Variants in PTK7 observed in about 807,000 individuals in gnomAD.
PTK7 encodes inactive tyrosine-protein kinase 7.
A neutral mutation model predicts 116.6 loss-of-function variants in PTK7; 39 were observed. The ratio of observed to expected loss-of-function variants is 0.33; its 90% CI spans 0.26 to 0.44. The LOEUF (loss-of-function observed/expected upper bound fraction) is 0.44, where lower values mean the gene tolerates loss of function less well. PTK7 is among the 20% of genes least tolerant of loss of function. The pLI is 1.00. For synonymous variants in PTK7, 546 were observed against 563.6 expected (o/e 0.97, Z 0.44); for missense variants, 1,169 against 1,425.6 (o/e 0.82, Z 2.90).
chr6:43,102,290 T>A (rs997426291), intron 1 of PTK7, among the ~76,000 whole-genome samples: 1 of 152,132 alleles, frequency 6.6e-6, no homozygotes, highest in Non-Finnish European at 1.5e-5. Context: ...CTGGGCATGG[T>A]GGCGGGCGCC....
chr6:43,157,364 A>ATATATATATAT (rs70990168), intron 17 of PTK7, among the ~76,000 whole-genome samples: 1 of 54,364 alleles, frequency 1.8e-5, no homozygotes, highest in Non-Finnish European at 3.3e-5. Context: ...ATATATATAT[A>ATATATATATAT]TTTTTTTTTT....
At position 43,076,562 on chromosome 6, in the gene PTK7, T is replaced by G. The variant is rs777512344; in HGVS notation, c.74T>G (p.Leu25Arg). The change falls in exon 1 of 20, where the codon CTG becomes CGG. Residue 25 changes from leucine to arginine, a missense_variant. Physicochemically the swap from Leu to Arg is moderately radical, Grantham distance 102. Transcript: ENST00000230419. This position sits in a 1 kb window ranked among gnomAD's most constrained non-coding sequence, Gnocchi z 5.7. ...PLLSVLLLPL[L>R]GGTQTAIVFI... ...CTCAGCGTCCTGCTGCTGCCGCTGC[T>G]GGGCGGTGAGTACCCGAGAGTTGGG... The G allele has an allele frequency of 6.3e-7, 1 of 1,576,448 alleles. No homozygotes were observed. The highest frequency in any genetic ancestry group is 8.6e-7 in the Non-Finnish European group (1 of 1,166,498).
At chr6:43,099,078 A>G (rs1767415516) in intron 1 of PTK7, among the ~76,000 whole-genome samples, 1 of 151,906 alleles carries the variant, frequency 6.6e-6, no homozygotes, top group African/African-American at 2.4e-5. Flanking sequence ...AATTAAAAAT[A>G]TAAAATAGAT....
Position 43,143,483 on chromosome 6 carries a change from T to C in PTK7, c.2114T>C (p.Ile705Thr), listed in dbSNP as rs1240608392. Residue 705 changes from isoleucine to threonine, a missense_variant, in exon 14 of 20, where the codon ATT (isoleucine) becomes ACT (threonine). By Grantham distance (89) the Ile-to-Thr change is moderately conservative. Around this residue, in one of 3 missense-constraint regions of PTK7, gnomAD observed 678 missense variants for 853.8 expected, o/e 0.79. Coordinates refer to ENST00000230419, the MANE Select transcript of PTK7 (RefSeq NM_002821.5). The surrounding 1 kb of genome is among the most constrained non-coding windows in gnomAD (Gnocchi z 4.2). ...CCCCCCTACAAGATGATCCAGACCA[T>C]TGGGTTGTCGGTGGGTGCCGCTGTG... Reference protein sequence around the residue: ...SPPPYKMIQTIGLSVGAAVAY... With the variant: ...SPPPYKMIQTTGLSVGAAVAY... The C allele has an allele frequency of 5.6e-6, 9 of 1,613,382 alleles. No individual in the cohort carries two copies. The highest frequency in any genetic ancestry group is 1.1e-5 in the South Asian group (1 of 91,070).
chr6:43,092,249 C>T (rs559092743), intron 1 of PTK7, among the ~76,000 whole-genome samples: 1 of 152,290 alleles, frequency 6.6e-6, no homozygotes, highest in Non-Finnish European at 1.5e-5. Context: ...TCATGGCTCA[C>T]TGCAGCCTCG....
intron 17 of PTK7, among the ~76,000 whole-genome samples, chr6:43,152,822 G>T (rs556325814): frequency 3.3e-4 from 50 of 151,714 alleles, no homozygotes; most frequent in Admixed American, 6.6e-4. Flanking sequence ...GTCTTACCCT[G>T]TCGACCAGGC....
Position 43,143,395 on chromosome 6 carries a change from G to A in PTK7, c.2048-22G>A. The A allele has an allele frequency of 6.2e-7, 1 of 1,611,756 alleles. No individual in the cohort carries two copies. Among genetic ancestry groups the A allele is most frequent in the South Asian group, 1.1e-5 (1 of 91,000 alleles). ...TCTTTTGCTTAGCAGCCCCTGCCCA[G>A]ACCCATCTGTGTGTCTCTCAGACAA... On this transcript the variant is annotated intron_variant, in intron 13 of 19. Transcript: ENST00000230419. This position sits in a 1 kb window ranked among gnomAD's most constrained non-coding sequence, Gnocchi z 4.2.
intron 17 of PTK7, among the ~76,000 whole-genome samples, chr6:43,150,405 C>T (rs1770994831): frequency 1.3e-5 from 2 of 152,338 alleles, no homozygotes; most frequent in African/African-American, 2.4e-5. Context: ...ACCGAATTGG[C>T]TTGAGTCTAA....
intron 14 of PTK7, 42 bp from the exon 15 acceptor site, chr6:43,144,409 T>C (rs1424275747): frequency 6.2e-7 from 1 of 1,611,930 alleles, no homozygotes; most frequent in Non-Finnish European, 8.5e-7. Context: ...GTGGCCAGAG[T>C]GTCAGGTCTC....
At chr6:43,124,286 A>C (rs1487706805) in intron 1 of PTK7, among the ~76,000 whole-genome samples, 1 of 152,182 alleles carries the variant, frequency 6.6e-6, no homozygotes, top group Non-Finnish European at 1.5e-5. Flanking sequence ...TCTTGTTATC[A>C]GCAAAGCTTC....
At chr6:43,157,364 A>ATATTTTT (rs70990168) in intron 17 of PTK7, among the ~76,000 whole-genome samples, 7 of 54,364 alleles carry the variant, frequency 1.3e-4, no homozygotes, top group Admixed American at 2.4e-4. Flanking sequence ...ATATATATAT[A>ATATTTTT]TTTTTTTTTT....
In PTK7 at chr6:43,144,598, C is replaced by T. The variant is rs748005343; in HGVS notation, c.2399C>T (p.Thr800Ile). ...CCACGGTCTAGCCTGCAGCCCATCACCACGCTGGGTATGTTGCCTTGACTA... is the reference window on the plus strand; with the variant it reads ...CCACGGTCTAGCCTGCAGCCCATCATCACGCTGGGTATGTTGCCTTGACTA... Reference protein sequence around the residue: ...HFPRSSLQPITTLGKSEFGEV... With the variant: ...HFPRSSLQPIITLGKSEFGEV... The change falls in exon 15 of 20, where the codon ACC becomes ATC. Residue 800 changes from threonine to isoleucine, a missense_variant. Thr to Ile is a moderately conservative substitution (Grantham distance 89). Coordinates refer to ENST00000230419, the MANE Select transcript of PTK7 (RefSeq NM_002821.5). The T allele has an allele frequency of 3.7e-6, 6 of 1,610,742 alleles. No homozygotes were observed. In the South Asian group the frequency reaches 4.4e-5, roughly 12 times the overall value.
Position 43,141,016 on chromosome 6 carries a change from G to A in PTK7, c.1619-652G>A, listed in dbSNP as rs879811489. 6.6e-6 allele frequency among the ~76,000 whole-genome samples: 1 copy of A among 151,778 alleles called. No individual in the cohort carries two copies. Among genetic ancestry groups the A allele is most frequent in the African/African-American group, 2.4e-5 (1 of 41,260 alleles). ...TGTTCCTTAAATGTTGGAGATTTGG[G>A]TTGTTAACCAGCCACCCACCCACCC... On this transcript the variant is annotated intron_variant, in intron 10 of 19. Transcript: ENST00000230419. This position sits in a 1 kb window ranked among gnomAD's most constrained non-coding sequence, Gnocchi z 4.9.
intron 1 of PTK7, among the ~76,000 whole-genome samples, chr6:43,127,383 AC>A (rs1252029663): frequency 1.3e-5 from 2 of 152,192 alleles, no homozygotes; most frequent in Non-Finnish European, 2.9e-5. Flanking sequence ...CGCCGCCGTA[AC>A]CATGCCACCC....
intron 17 of PTK7, among the ~76,000 whole-genome samples, chr6:43,151,296 C>T (rs1273031767): frequency 3.3e-5 from 5 of 151,122 alleles, no homozygotes; most frequent in African/African-American, 1.2e-4. Flanking sequence ...ACTGCAAGCT[C>T]CGCCTCCCGG....
intron 17 of PTK7, among the ~76,000 whole-genome samples, chr6:43,151,937 C>T (rs1421551650): frequency 1.3e-5 from 2 of 150,714 alleles, no homozygotes; most frequent in East Asian, 2.0e-4. Context: ...CTCCGCCTCC[C>T]GGGTTCACGC....
intron 1 of PTK7, among the ~76,000 whole-genome samples, chr6:43,079,204 ACGCCT>A (rs1309415048): frequency 1.3e-5 from 2 of 152,158 alleles, no homozygotes; most frequent in Non-Finnish European, 2.9e-5. Context: ...CTGGTGGCTC[ACGCCT>A]GTAATCCCAG....
intron 1 of PTK7, among the ~76,000 whole-genome samples, chr6:43,127,232 G>A (rs1283957471): frequency 3.9e-5 from 6 of 152,216 alleles, no homozygotes. Context: ...GCTGCTTCGT[G>A]TAGCAGTTCC....
At chr6:43,148,777 C>T (rs1382314214) in intron 17 of PTK7, among the ~76,000 whole-genome samples, 1 of 144,600 alleles carries the variant, frequency 6.9e-6, no homozygotes, top group Non-Finnish European at 1.5e-5. Context: ...TTAAAAAAAA[C>T]AGGCAGGGCT....
Sources: allele counts gnomAD v4.1 joint callset (sites outside exome capture counted in the v4.1 genomes callset), GRCh38; gene constraint gnomAD v4.1.1; regional missense constraint gnomAD v4.1.1; non-coding constraint Gnocchi (gnomAD v3.1); transcripts MANE v1.5; gene names NCBI Gene and HGNC (gene_info 2026-07-23, HGNC 2026-07-21).